The following SCARA5 variants were observed in gnomAD, a reference collection of about 807,000 sequenced individuals.
SCARA5 encodes the protein scavenger receptor class A, member 5 (putative).
Under a neutral mutation model 46.3 loss-of-function variants are expected in SCARA5, and 45 were observed. The ratio of observed to expected loss-of-function variants is 0.97; its 90% CI spans 0.76 to 1.24. SCARA5 has a LOEUF of 1.24. Among genes scored for constraint, SCARA5 ranks in the 50% most tolerant of loss-of-function variants. The probability of loss-of-function intolerance (pLI) is 0.00; values close to 1 mark genes in which losing one functional copy is unlikely to be tolerated. For synonymous variants in SCARA5, 333 were observed against 306.5 expected (o/e 1.09, Z -0.90); for missense variants, 680 against 689.0 (o/e 0.99, Z 0.15).
At chr8:27,982,459 T>C (rs1808637795) in intron 2 of SCARA5, among the ~76,000 whole-genome samples, 2 of 152,000 alleles carry the variant, frequency 1.3e-5, no homozygotes, top group African/African-American at 4.8e-5. Context: ...TGAGTGAGCA[T>C]CCATCAGAGG....
intron 2 of SCARA5, among the ~76,000 whole-genome samples, chr8:27,978,313 G>A (rs1563200849): frequency 1.3e-5 from 2 of 151,780 alleles, no homozygotes; most frequent in South Asian, 4.2e-4. Flanking sequence ...TTACAGGTGT[G>A]AGCCACCACA....
intron 1 of SCARA5, among the ~76,000 whole-genome samples, chr8:27,989,247 C>T (rs1177414900): frequency 3.3e-5 from 5 of 150,364 alleles, no homozygotes; most frequent in Non-Finnish European, 5.9e-5. Flanking sequence ...GTGATCCTCC[C>T]AACTCATCCT....
intron 7 of SCARA5, among the ~76,000 whole-genome samples, chr8:27,898,892 TGCTGAAC>T (rs1807105430): frequency 7.7e-5 from 1 of 12,930 alleles, no homozygotes; most frequent in Non-Finnish European, 7.0e-3. Flanking sequence ...AGAGGTGCAG[TGCTGAAC>T]ACAGAACACA....
At chr8:27,948,672 A>G (rs971078383) in intron 3 of SCARA5, among the ~76,000 whole-genome samples, 1 of 152,222 alleles carries the variant, frequency 6.6e-6, no homozygotes, top group Non-Finnish European at 1.5e-5. Context: ...CCAAGGAAGA[A>G]AAACAAACAG....
chr8:27,885,902 A>G (rs763772922), intron 7 of SCARA5: 1 of 154,284 alleles, frequency 6.5e-6, no homozygotes, highest in Non-Finnish European at 1.5e-5. Context: ...TGATAGAAGA[A>G]TATTTGGAAA....
intron 3 of SCARA5, among the ~76,000 whole-genome samples, chr8:27,928,613 G>A (rs1807718130): frequency 6.6e-6 from 1 of 152,016 alleles, no homozygotes. Flanking sequence ...CTGAAAGGGT[G>A]GACACGGAGA....
At chr8:27,936,075 G>A (rs1585500182) in intron 3 of SCARA5, among the ~76,000 whole-genome samples, 1 of 152,268 alleles carries the variant, frequency 6.6e-6, no homozygotes. Flanking sequence ...GAATTAGGAG[G>A]AGCCCAGAGC....
At chr8:27,925,139 T>G (rs150152383) in intron 3 of SCARA5, among the ~76,000 whole-genome samples, 381 of 152,282 alleles carry the variant, frequency 2.5e-3, no homozygotes, top group Non-Finnish European at 4.0e-3. Flanking sequence ...AAAAACTACT[T>G]TAAAGTTCAC....
intron 2 of SCARA5, among the ~76,000 whole-genome samples, chr8:27,982,319 G>T (rs993490064): frequency 8.3e-5 from 12 of 144,502 alleles, no homozygotes; most frequent in Non-Finnish European, 1.4e-4. Flanking sequence ...ACCTCCTGGC[G>T]CCAGACTGGA....
intron 4 of SCARA5, among the ~76,000 whole-genome samples, chr8:27,917,772 T>C (rs1346023203): frequency 6.6e-6 from 1 of 152,222 alleles, no homozygotes; most frequent in East Asian, 1.9e-4. Flanking sequence ...GTAATTGTTA[T>C]TTAATACTAT....
At chr8:27,971,892 G>A (rs1238962274) in intron 2 of SCARA5, among the ~76,000 whole-genome samples, 2 of 152,126 alleles carry the variant, frequency 1.3e-5, no homozygotes, top group Non-Finnish European at 2.9e-5. Context: ...GCACAATCTT[G>A]CCATAGCAGA....
intron 3 of SCARA5, among the ~76,000 whole-genome samples, chr8:27,957,738 G>A (rs1055217471): frequency 4.6e-5 from 7 of 152,222 alleles, no homozygotes; most frequent in East Asian, 1.9e-4. Flanking sequence ...TATAAACTGA[G>A]CTATTTTCTG....
chr8:27,953,619 G>A (rs1015557533), intron 3 of SCARA5, among the ~76,000 whole-genome samples: 2 of 152,186 alleles, frequency 1.3e-5, no homozygotes, highest in Non-Finnish European at 2.9e-5. Flanking sequence ...CTCTCTAGAC[G>A]GCAGTTGCTA....
chr8:27,979,026 T>G (rs1317941637), intron 2 of SCARA5, among the ~76,000 whole-genome samples: 1 of 152,194 alleles, frequency 6.6e-6, no homozygotes, highest in Non-Finnish European at 1.5e-5. Flanking sequence ...ACTCTAACCC[T>G]GGTCAGGTCT....
intron 1 of SCARA5, among the ~76,000 whole-genome samples, chr8:27,988,487 G>A (rs1170919474): frequency 6.6e-6 from 1 of 152,226 alleles, no homozygotes; most frequent in African/African-American, 2.4e-5. Flanking sequence ...CGCGTAAGGT[G>A]CGTGTGGATG....
intron 8 of SCARA5, among the ~76,000 whole-genome samples, chr8:27,879,062 T>C (rs765219046): frequency 6.6e-6 from 1 of 152,082 alleles, no homozygotes; most frequent in Non-Finnish European, 1.5e-5. Context: ...CCAAACTAGA[T>C]GACAGAACAA....
At chr8:27,954,041 C>T (rs1362815280) in intron 3 of SCARA5, among the ~76,000 whole-genome samples, 3 of 152,250 alleles carry the variant, frequency 2.0e-5, no homozygotes, top group South Asian at 2.1e-4. Context: ...CCTGGGCCTC[C>T]GTCCCATTTA....
chr8:27,958,984 G>A (rs1808249725), intron 3 of SCARA5, among the ~76,000 whole-genome samples: 1 of 152,190 alleles, frequency 6.6e-6, no homozygotes, highest in Non-Finnish European at 1.5e-5. Flanking sequence ...TGCAATCCCA[G>A]CACGTTGGGA....
intron 4 of SCARA5, among the ~76,000 whole-genome samples, chr8:27,919,989 G>C (rs182354590): frequency 6.6e-6 from 1 of 151,322 alleles, no homozygotes; most frequent in Non-Finnish European, 1.5e-5. Context: ...GCTTTGAGCA[G>C]GGGGATGACG....
Sources: allele counts gnomAD v4.1 joint callset (sites outside exome capture counted in the v4.1 genomes callset), GRCh38; gene constraint gnomAD v4.1.1; transcripts MANE v1.5; gene names NCBI Gene and HGNC (gene_info 2026-07-23, HGNC 2026-07-21).